CFAP69: variants seen among roughly 807,000 people sequenced by gnomAD.
CFAP69 encodes cilia and flagella associated protein 69, also known as cilia- and flagella-associated protein 69.
In CFAP69, 92 loss-of-function variants were observed where a neutral mutation model predicts 123.0. That is an observed-to-expected ratio of 0.75 (90% CI 0.63 to 0.89). CFAP69 has a LOEUF of 0.89. Ranked by LOEUF, CFAP69 falls within the 40% of genes least tolerant of loss-of-function variation. The pLI is 0.00. For synonymous variants in CFAP69, 380 were observed against 364.3 expected (o/e 1.04, Z -0.49); for missense variants, 1,067 against 1,096.9 (o/e 0.97, Z 0.39).
Position 90,309,279 on chromosome 7 carries a change from A to G in CFAP69, c.2567A>G (p.Gln856Arg). The G allele has an allele frequency of 6.5e-7, 1 of 1,544,342 alleles. No homozygotes were observed. The highest frequency in any genetic ancestry group is 1.4e-5 in the African/African-American group (1 of 71,820). ...AATCCTCAGAAAGCAAAAAGCCTTC[A>G]AGAAAAAGCTATAGAAGCCTCCAGA... ...AKTLKKAKSL[Q>R]EKAIEASRYH... The change falls in exon 22 of 23, where the codon CAA (glutamine) becomes CGA (arginine). Residue 856 changes from glutamine (Q) to arginine (R), a missense_variant. Physicochemically the swap from Gln to Arg is conservative, Grantham distance 43. Coordinates refer to ENST00000389297, the MANE Select transcript of CFAP69 (RefSeq NM_001039706.3).
chr7:90,271,929 A>T lies in CFAP69; in HGVS notation c.831A>T (p.Ile277=), dbSNP rs757004961. Residue 277 remains isoleucine (I), a synonymous_variant, in exon 8 of 23, where the codon ATA becomes ATT. Coordinates refer to ENST00000389297, the MANE Select transcript of CFAP69 (RefSeq NM_001039706.3). The part of the protein sequence containing the change: ...LLEKSSKEEV[I]QQLSNLECLL... ...AAAAATCTTCAAAAGAAGAAGTCAT[A>T]CAACAGCTTAGTAACTTGGAATGTT... 2 of 1,612,730 alleles carry T rather than the reference A, an allele frequency of 1.2e-6. No homozygotes were observed. Among genetic ancestry groups the T allele is most frequent in the Admixed American group, 1.7e-5 (1 of 59,836 alleles).
chr7:90,314,336 A>G (rs1276585818), downstream of CFAP69, among the ~76,000 whole-genome samples: 13 of 152,160 alleles, frequency 8.5e-5, no homozygotes, highest in East Asian at 2.5e-3. Context: ...ATAAGAATAA[A>G]CATGGGGCCA....
chr7:90,302,586 C>T (rs1160270310), intron 17 of CFAP69: 1 of 152,062 alleles, frequency 6.6e-6, no homozygotes, highest in Non-Finnish European at 1.5e-5. Context: ...GGAGTTATTT[C>T]CCCATTGCTT....
At chr7:90,322,958 T>C in the CFAP69 span, among the ~76,000 whole-genome samples, 1 of 152,170 alleles carries the variant, frequency 6.6e-6, no homozygotes, top group Non-Finnish European at 1.5e-5. Context: ...TTAGATAGAC[T>C]TAATAACAAA....
chr7:90,306,955 C>A lies in CFAP69; in HGVS notation c.2320C>A (p.Pro774Thr). 1 of 1,576,072 alleles carries A rather than the reference C, an allele frequency of 6.3e-7. No individual in the cohort carries two copies. The highest frequency in any genetic ancestry group is 8.7e-7 in the Non-Finnish European group (1 of 1,150,342). The change falls in exon 20 of 23, where the codon CCA becomes ACA. Residue 774 changes from proline to threonine, a missense_variant. Pro to Thr is a conservative substitution (Grantham distance 38). Coordinates refer to ENST00000389297, the MANE Select transcript of CFAP69 (RefSeq NM_001039706.3). Reference sequence around the variant, plus strand: ...AGAAATAAAATTAGAAAAATTAAGACCAGTCACTACAGATAAAAAAGCTTT... The same window carrying A: ...AGAAATAAAATTAGAAAAATTAAGAACAGTCACTACAGATAAAAAAGCTTT... ...YEEIKLEKLR[P>T]VTTDKKALEA...
chr7:90,299,544 C>T (rs774194625), intron 16 of CFAP69, among the ~76,000 whole-genome samples: 5 of 152,106 alleles, frequency 3.3e-5, no homozygotes, highest in Non-Finnish European at 7.4e-5. Flanking sequence ...ATAACACTAT[C>T]GAGCTTCGCC....
At chr7:90,292,235 G>A (rs1423821103) in intron 15 of CFAP69, among the ~76,000 whole-genome samples, 1 of 152,130 alleles carries the variant, frequency 6.6e-6, no homozygotes, top group Non-Finnish European at 1.5e-5. Context: ...GCCAAGCCCA[G>A]CCATGGGTTT....
intron 15 of CFAP69, among the ~76,000 whole-genome samples, chr7:90,294,121 A>C (rs903517737): frequency 2.6e-5 from 4 of 152,182 alleles, no homozygotes; most frequent in Non-Finnish European, 1.5e-5. Flanking sequence ...CCTTCTTTGC[A>C]TAGCTAGGGG....
intron 15 of CFAP69, among the ~76,000 whole-genome samples, chr7:90,291,098 AC>A (rs1791120264): frequency 6.6e-6 from 1 of 152,152 alleles, no homozygotes; most frequent in South Asian, 2.1e-4. Flanking sequence ...TGGATCACAC[AC>A]AGGAAAGAAT....
chr7:90,265,259 T>G lies in CFAP69; in HGVS notation c.357-42T>G, dbSNP rs372458298. On this transcript the variant is annotated intron_variant, in intron 4 of 22. Transcript: ENST00000389297. The stretch of plus-strand genomic sequence containing the variant: ...TACAAATGATGCTTCAATTAAAGAC[T>G]TTATTAAAAATTACTGTTACAATTC... The G allele has an allele frequency of 5.4e-6, 7 of 1,304,584 alleles. No individual in the cohort carries two copies. The African/African-American group carries it at 5.8e-5, about 11-fold the overall frequency. The allele number at this position is 1,304,584 out of a possible 1,614,324, so 80.8% of individuals were successfully genotyped here.
chr7:90,300,028 A>G lies in CFAP69; in HGVS notation c.2019A>G (p.Gly673=). Residue 673 remains glycine, a synonymous_variant, in exon 17 of 23, where the codon GGA becomes GGG. Transcript: ENST00000389297. ...KLWRKEEKEL[G]VKRDKNGKII... Reference sequence around the variant, plus strand: ...GGAGAAAGGAGGAAAAAGAACTAGGAGTAAAACGTGATAAAAATGGGAAGA... The same window carrying G: ...GGAGAAAGGAGGAAAAAGAACTAGGGGTAAAACGTGATAAAAATGGGAAGA... 1 of 1,599,984 alleles carries G rather than the reference A, an allele frequency of 6.3e-7. No individual in the cohort carries two copies.
intron 20 of CFAP69, among the ~76,000 whole-genome samples, chr7:90,307,567 A>G (rs913445383): frequency 6.6e-6 from 1 of 152,126 alleles, no homozygotes; most frequent in African/African-American, 2.4e-5. Flanking sequence ...AAAAGAAACT[A>G]TGGAGTTTGA....
intron 15 of CFAP69, among the ~76,000 whole-genome samples, chr7:90,288,868 C>A (rs938255894): frequency 1.4e-5 from 2 of 145,742 alleles, no homozygotes; most frequent in Non-Finnish European, 1.5e-5. Flanking sequence ...AATAAATTAA[C>A]CTTAGATTAC....
At chr7:90,287,637 C>T (rs757113704) in intron 14 of CFAP69, 10 of 985,236 alleles carry the variant, frequency 1.0e-5, no homozygotes, top group Non-Finnish European at 1.2e-5. Context: ...TAGCTCCAAG[C>T]TTTGATGCAA....
chr7:90,320,497 C>G, the CFAP69 span: 2 of 152,208 alleles, frequency 1.3e-5, no homozygotes, highest in African/African-American at 4.8e-5. Flanking sequence ...TGCATGCCTC[C>G]TTGCCAACTG....
intron 9 of CFAP69, among the ~76,000 whole-genome samples, chr7:90,275,594 T>G (rs1172085951): frequency 1.9e-5 from 2 of 106,244 alleles, no homozygotes; most frequent in African/African-American, 7.8e-5. Context: ...AAAAGCCTTT[T>G]TTTTTTTTTT....
chr7:90,265,866 T>C (rs892422584), intron 5 of CFAP69, among the ~76,000 whole-genome samples: 1 of 152,112 alleles, frequency 6.6e-6, no homozygotes, highest in Non-Finnish European at 1.5e-5. Flanking sequence ...CACAAAAATA[T>C]GAAAAATATC....
At chr7:90,261,101 A>G (rs1195510234) in intron 3 of CFAP69, among the ~76,000 whole-genome samples, 1 of 148,510 alleles carries the variant, frequency 6.7e-6, no homozygotes, top group African/African-American at 2.5e-5. Flanking sequence ...TTTTTTTGAG[A>G]CAGAATCTCA....
At chr7:90,261,005 A>G (rs1429674287) in intron 3 of CFAP69, among the ~76,000 whole-genome samples, 3 of 152,194 alleles carry the variant, frequency 2.0e-5, no homozygotes, top group African/African-American at 7.2e-5. Flanking sequence ...AGATTCAACC[A>G]AGAAGTGTAA....
Sources: gnomAD v4.1 joint callset for allele counts (sites outside exome capture counted in the v4.1 genomes callset) on GRCh38, gnomAD v4.1.1 for gene constraint, MANE v1.5 for transcripts, NCBI Gene and HGNC (gene_info 2026-07-23, HGNC 2026-07-21) for gene names.